The following MACROD1 variants were observed in gnomAD, a reference collection of about 807,000 sequenced individuals.
MACROD1 encodes ADP-ribose glycohydrolase MACROD1.
Under a neutral mutation model 41.4 loss-of-function variants are expected in MACROD1, and 31 were observed. The ratio of observed to expected loss-of-function variants is 0.75; its 90% CI spans 0.56 to 1.01. The LOEUF (loss-of-function observed/expected upper bound fraction) is 1.01, where lower values mean the gene tolerates loss of function less well. Ranked by LOEUF, MACROD1 falls within the 50% of genes least tolerant of loss-of-function variation. MACROD1 has a pLI of 0.00. For missense variants in MACROD1, 473 were observed against 460.0 expected, an observed-to-expected ratio of 1.03 and a Z score of -0.26; for synonymous variants, 252 against 203.4, an observed-to-expected ratio of 1.24 and a Z score of -2.03.
chr11:64,110,002 C>T (rs1284965292), intron 3 of MACROD1, among the ~76,000 whole-genome samples: 4 of 151,972 alleles, frequency 2.6e-5, no homozygotes, highest in East Asian at 1.9e-4. Flanking sequence ...CTGGATGCGT[C>T]GGGGGCATCC....
At chr11:64,084,727 C>T (rs1309817890) in intron 3 of MACROD1, among the ~76,000 whole-genome samples, 1 of 152,224 alleles carries the variant, frequency 6.6e-6, no homozygotes, top group African/African-American at 2.4e-5. Context: ...TGCTTCGGCT[C>T]AGCCCTAGGC....
At position 63,999,651 on chromosome 11, in the gene MACROD1, G is replaced by C; in HGVS notation, c.777C>G (p.Leu259=). 1.9e-6 allele frequency: 3 copies of C among 1,609,352 alleles called. 1 individual carries two copies. In the South Asian group the frequency reaches 3.3e-5, roughly 18 times the overall value. Residue 259 remains leucine (L), a synonymous_variant, in exon 6 of 11, where the codon CTC becomes CTG. Coordinates refer to ENST00000255681, the MANE Select transcript of MACROD1 (RefSeq NM_014067.4). ...SSLDLLLEHR[L]RSVAFPCIST... ...GCGGGCCGTCCCTCACCACCGAGCG[G>C]AGCCGGTGCTCCAGCAGCAGGTCCA... is the stretch of plus-strand genomic sequence containing the variant.
chr11:64,075,416 A>G (rs1378387002), intron 3 of MACROD1, among the ~76,000 whole-genome samples: 1 of 152,274 alleles, frequency 6.6e-6, no homozygotes, highest in Non-Finnish European at 1.5e-5. Flanking sequence ...GCAATCCAAT[A>G]TTGTTTCCAT....
At chr11:64,086,192 T>C (rs1045009856) in intron 3 of MACROD1, among the ~76,000 whole-genome samples, 1 of 152,096 alleles carries the variant, frequency 6.6e-6, no homozygotes, top group African/African-American at 2.4e-5. Flanking sequence ...CCCCCAGGGC[T>C]GGAGTGGGGA....
chr11:64,005,673 C>T (rs75110086), intron 4 of MACROD1, among the ~76,000 whole-genome samples: 2 of 152,230 alleles, frequency 1.3e-5, no homozygotes, highest in African/African-American at 2.4e-5. Flanking sequence ...TGGGAGGATC[C>T]CCTTTTTACA....
chr11:64,029,445 C>A (rs1236751280), intron 3 of MACROD1, among the ~76,000 whole-genome samples: 1 of 152,242 alleles, frequency 6.6e-6, no homozygotes, highest in East Asian at 1.9e-4. Flanking sequence ...GTCACAGGGA[C>A]CCCGTCCCCT....
intron 3 of MACROD1, among the ~76,000 whole-genome samples, chr11:64,109,840 A>G (rs1944828430): frequency 6.6e-6 from 1 of 152,112 alleles, no homozygotes; most frequent in African/African-American, 2.4e-5. Flanking sequence ...TCAGCTTCAC[A>G]GAGGCTGATA....
rs1590938841 is a variant in MACROD1 at position 64,120,108 on chromosome 11, T to C, written c.517+31131A>G. On this transcript the variant is annotated intron_variant, in intron 3 of 10. Coordinates refer to ENST00000255681, the MANE Select transcript of MACROD1 (RefSeq NM_014067.4). The surrounding 1 kb of genome is among the most constrained non-coding windows in gnomAD (Gnocchi z 4.5). The stretch of plus-strand genomic sequence containing the variant: ...GGCAGAAGCAGCAGCGGGGCAGGGG[T>C]TACGTTAAAAGGCCCGACCGCCACC... 6.6e-6 allele frequency among the ~76,000 whole-genome samples: 1 copy of C among 151,774 alleles called. No homozygotes were observed. Among genetic ancestry groups the C allele is most frequent in the South Asian group, 2.1e-4 (1 of 4,778 alleles).
At chr11:64,016,991 A>G (rs1468015867) in intron 3 of MACROD1, among the ~76,000 whole-genome samples, 1 of 151,736 alleles carries the variant, frequency 6.6e-6, no homozygotes, top group Non-Finnish European at 1.5e-5. Flanking sequence ...TCTTTTTGAG[A>G]TGGAGTCTGG....
chr11:64,151,659 G>C (rs972459206), intron 2 of MACROD1, among the ~76,000 whole-genome samples: 1 of 152,180 alleles, frequency 6.6e-6, no homozygotes, highest in Non-Finnish European at 1.5e-5. Context: ...ACTTGCCTAG[G>C]GTTATGGGTC....
intron 4 of MACROD1, among the ~76,000 whole-genome samples, chr11:64,006,861 G>A (rs1942921363): frequency 6.6e-6 from 1 of 152,188 alleles, no homozygotes; most frequent in South Asian, 2.1e-4. Flanking sequence ...GCGGGGTGAG[G>A]GTGTATGAGA....
intron 3 of MACROD1, chr11:64,118,396 C>T: frequency 7.4e-7 from 1 of 1,344,206 alleles, no homozygotes. Context: ...AAGAGAAATT[C>T]CATGGGTGAC....
intron 3 of MACROD1, among the ~76,000 whole-genome samples, chr11:64,149,313 C>G (rs1003308265): frequency 6.6e-6 from 1 of 152,118 alleles, no homozygotes; most frequent in East Asian, 1.9e-4. Flanking sequence ...TCTTCACCAC[C>G]CTCATTTTGC....
At chr11:64,073,567 T>C (rs929078635) in intron 3 of MACROD1, among the ~76,000 whole-genome samples, 2 of 152,228 alleles carry the variant, frequency 1.3e-5, no homozygotes, top group Non-Finnish European at 2.9e-5. Context: ...GCCAGTTGCC[T>C]GCCGTGCTGA....
At chr11:64,044,771 C>G (rs320140) in intron 3 of MACROD1, among the ~76,000 whole-genome samples, 5,005 of 152,214 alleles carry the variant, frequency 0.033, 263 homozygotes, top group African/African-American at 0.11. Context: ...CATGCTCCCC[C>G]CTCACCAGAC....
rs1183171679 is a variant in MACROD1, at chr11:63,999,779, GGGTCAGACCGGCGGGGGTCTACGC to G, written c.665-40_665-17del. 6.3e-6 allele frequency: 10 copies of G among 1,599,416 alleles called. No individual in the cohort carries two copies. The Admixed American group carries it at 6.7e-5, about 11-fold the overall frequency. Reference sequence around the variant, plus strand: ...TGGATGACGTCTACGGGGGGCGACGGGGTCAGACCGGCGGGGGTCTACGCGGTCCTCAGCTCCCTCGCTTCCCCC... The same window carrying G: ...TGGATGACGTCTACGGGGGGCGACGGGGTCCTCAGCTCCCTCGCTTCCCCC... On this transcript the variant is annotated splice_polypyrimidine_tract_variant and intron_variant, in intron 5 of 10. Coordinates refer to ENST00000255681, the MANE Select transcript of MACROD1 (RefSeq NM_014067.4).
chr11:64,118,996 G>A (rs946855376), intron 3 of MACROD1: 1 of 166,860 alleles, frequency 6.0e-6, no homozygotes, highest in Non-Finnish European at 1.5e-5. Flanking sequence ...ACGCTCCGTA[G>A]AAGCCCCGGC....
intron 3 of MACROD1, among the ~76,000 whole-genome samples, chr11:64,035,755 C>T (rs1454220723): frequency 7.6e-5 from 1 of 13,204 alleles, no homozygotes; most frequent in Non-Finnish European, 1.7e-4. Flanking sequence ...CTCCCCGCTC[C>T]GCGCCTGCAC....
intron 4 of MACROD1, among the ~76,000 whole-genome samples, chr11:64,008,574 G>C (rs547868697): frequency 1.6e-4 from 25 of 152,294 alleles, no homozygotes; most frequent in Middle Eastern, 3.4e-3. Flanking sequence ...CCCGGGAGCA[G>C]CATGTGCAAA....
Sources: gnomAD v4.1 joint callset for allele counts (sites outside exome capture counted in the v4.1 genomes callset) on GRCh38, gnomAD v4.1.1 for gene constraint, Gnocchi (gnomAD v3.1) non-coding constraint, MANE v1.5 for transcripts, NCBI Gene and HGNC (gene_info 2026-07-23, HGNC 2026-07-21) for gene names.